Variants in RERE observed in about 807,000 individuals in gnomAD.
The protein encoded by RERE is arginine-glutamic acid dipeptide repeats, also known as arginine-glutamic acid dipeptide repeats protein.
RERE carries 40 observed loss-of-function variants against 146.1 expected under a neutral mutation model. The ratio of observed to expected loss-of-function variants is 0.27; its 90% CI spans 0.21 to 0.36. The LOEUF is 0.36. Ranked by LOEUF, RERE falls within the 10% of genes least tolerant of loss-of-function variation. The pLI is 1.00. For missense variants in RERE, 1,933 were observed against 2,138.7 expected (o/e 0.90, Z 1.90); for synonymous variants, 1,003 against 866.0 (o/e 1.16, Z -2.78).
At chr1:8,625,298 A>G (rs890049072) in intron 2 of RERE, among the ~76,000 whole-genome samples, 11 of 152,292 alleles carry the variant, frequency 7.2e-5, no homozygotes, top group African/African-American at 2.6e-4. Flanking sequence ...ACACTTAAAT[A>G]AAAAGCAATG....
intron 7 of RERE, among the ~76,000 whole-genome samples, chr1:8,532,589 A>C (rs573143785): frequency 2.0e-5 from 3 of 149,642 alleles, no homozygotes; most frequent in Non-Finnish European, 4.5e-5. Flanking sequence ...CCTAGCTAAT[A>C]TTATTATTTT....
At chr1:8,707,189 A>G (rs571394283) in intron 1 of RERE, among the ~76,000 whole-genome samples, 4 of 152,366 alleles carry the variant, frequency 2.6e-5, no homozygotes, top group African/African-American at 7.2e-5. Context: ...AGAGGAGACA[A>G]CAGATGTGGC....
chr1:8,659,331 C>T (rs1213076615), intron 1 of RERE, among the ~76,000 whole-genome samples: 2 of 152,168 alleles, frequency 1.3e-5, no homozygotes, highest in Non-Finnish European at 2.9e-5. Flanking sequence ...CTGAAGCGGG[C>T]GGATCACCTG....
At chr1:8,437,048 T>A (rs1219741572) in intron 11 of RERE, among the ~76,000 whole-genome samples, 1 of 152,218 alleles carries the variant, frequency 6.6e-6, no homozygotes, top group African/African-American at 2.4e-5. Context: ...AACGATATCA[T>A]AAATTCCTAA....
chr1:8,389,613 G>A (rs1014368554), intron 12 of RERE, among the ~76,000 whole-genome samples: 3 of 152,172 alleles, frequency 2.0e-5, no homozygotes, highest in Non-Finnish European at 4.4e-5. Context: ...AAAACCATGA[G>A]GAAGGGGTGG....
At chr1:8,682,495 A>G in intron 1 of RERE, among the ~76,000 whole-genome samples, 1 of 152,162 alleles carries the variant, frequency 6.6e-6, no homozygotes, top group East Asian at 1.9e-4. Flanking sequence ...TTATCTGTCC[A>G]GTTCAGTTTT....
chr1:8,779,028 G>A (rs994601337), intron 1 of RERE, among the ~76,000 whole-genome samples: 1 of 150,988 alleles, frequency 6.6e-6, no homozygotes, highest in Non-Finnish European at 1.5e-5. Context: ...TGTATTTTTA[G>A]TAGAGACGGG....
chr1:8,407,843 G>T (rs1320559984), intron 12 of RERE, among the ~76,000 whole-genome samples: 1 of 152,144 alleles, frequency 6.6e-6, no homozygotes, highest in Non-Finnish European at 1.5e-5. Context: ...AGGATCAAAG[G>T]CGTGCTGCTG....
chr1:8,361,369 G>A lies in RERE; in HGVS notation c.2138C>T (p.Pro713Leu), dbSNP rs764104299. 8 of 1,613,728 alleles carry A rather than the reference G, an allele frequency of 5.0e-6. No homozygotes were observed. Among genetic ancestry groups the A allele is most frequent in the East Asian group, 2.2e-5 (1 of 44,874 alleles). ...DIDQDNRSTS[P>L]SIPSPQDNES... ...ATTGTCCTGGGGGCTGGGGATGCTC[G>A]GGGACGTGCTGCGATTGTCCTGGTC... is the stretch of plus-strand genomic sequence containing the variant. Residue 713 changes from proline (P) to leucine (L), a missense_variant, in exon 18 of 23, where the codon CCG becomes CTG. By Grantham distance (98) the Pro-to-Leu change is moderately conservative. Transcript: ENST00000400908.
chr1:8,714,460 C>A (rs190252345), intron 1 of RERE, among the ~76,000 whole-genome samples: 1 of 152,154 alleles, frequency 6.6e-6, no homozygotes, highest in South Asian at 2.1e-4. Flanking sequence ...GTTCTATACC[C>A]GGCCAAACTG....
intron 10 of RERE, among the ~76,000 whole-genome samples, chr1:8,478,358 AAAAGT>A (rs1644786790): frequency 6.6e-6 from 1 of 152,220 alleles, no homozygotes; most frequent in African/African-American, 2.4e-5. Context: ...ATGGAAGAAA[AAAAGT>A]AAAGAAAGAA....
rs1183646649 is a variant in RERE, at chr1:8,362,794, A to T, written c.1791T>A (p.Gly597=). ...GRKKQPASPD[G]RTSPINEDIR... Reference sequence around the variant, plus strand: ...TGTCTTCATTGATGGGTGAGGTGCGACCATCAGGGCTGGCTGGCTGCTTCT... The same window carrying T: ...TGTCTTCATTGATGGGTGAGGTGCGTCCATCAGGGCTGGCTGGCTGCTTCT... The change falls in exon 16 of 23, where the codon GGT becomes GGA. Residue 597 remains glycine, a synonymous_variant. Transcript: ENST00000400908. 12 of 1,614,026 alleles carry T rather than the reference A, an allele frequency of 7.4e-6. No individual in the cohort carries two copies. The highest frequency in any genetic ancestry group is 7.6e-6 in the Non-Finnish European group (9 of 1,180,040).
rs556912726 is a variant in RERE, at chr1:8,401,693, G to A, written c.1284+21034C>T. On this transcript the variant is annotated intron_variant, in intron 12 of 22. Coordinates refer to ENST00000400908, the MANE Select transcript of RERE (RefSeq NM_001042681.2). ...GAGGACTGCTTAAGCCTGGGAGGTC[G>A]AGGCTGCAGTGAGCCGTGATGTACC... 2.0e-4 allele frequency among the ~76,000 whole-genome samples: 31 copies of A among 151,472 alleles called. No homozygotes were observed. In the South Asian group the frequency reaches 5.8e-3, roughly 28 times the overall value.
At chr1:8,801,028 G>T (rs977248541) in intron 1 of RERE, among the ~76,000 whole-genome samples, 2 of 152,098 alleles carry the variant, frequency 1.3e-5, no homozygotes, top group Non-Finnish European at 2.9e-5. Flanking sequence ...GGAGGCTGAG[G>T]TAGGTGGAGT....
intron 12 of RERE, among the ~76,000 whole-genome samples, chr1:8,370,636 T>G (rs906351815): frequency 6.6e-6 from 1 of 152,206 alleles, no homozygotes; most frequent in Non-Finnish European, 1.5e-5. Flanking sequence ...AATGGCATAT[T>G]GGTGACTGCA....
At position 8,624,390 on chromosome 1, in the gene RERE, A is replaced by G; in HGVS notation, c.326-10T>C. On this transcript the variant is annotated splice_polypyrimidine_tract_variant and intron_variant, in intron 2 of 22. Transcript: ENST00000400908. ...TCGATATACACACAGTCTTTAAAAGAAAAAGAAATTTTAAAACAATGGCAT... is the reference window on the plus strand; with the variant it reads ...TCGATATACACACAGTCTTTAAAAGGAAAAGAAATTTTAAAACAATGGCAT... 6.3e-7 allele frequency: 1 copy of G among 1,597,000 alleles called. No individual in the cohort carries two copies. Among genetic ancestry groups the G allele is most frequent in the Non-Finnish European group, 8.6e-7 (1 of 1,166,772 alleles).
At chr1:8,697,592 T>A (rs1279562219) in intron 1 of RERE, among the ~76,000 whole-genome samples, 2 of 152,154 alleles carry the variant, frequency 1.3e-5, no homozygotes, top group Non-Finnish European at 2.9e-5. Context: ...TTTTTCACCA[T>A]GTTAGCCAGG....
At chr1:8,481,078 T>C (rs989132961) in intron 10 of RERE, among the ~76,000 whole-genome samples, 1 of 152,192 alleles carries the variant, frequency 6.6e-6, no homozygotes, top group Admixed American at 6.5e-5. Flanking sequence ...GGATTTCTGA[T>C]TGGCTAAACA....
chr1:8,467,783 T>C (rs1449093648), intron 10 of RERE, among the ~76,000 whole-genome samples: 5 of 152,188 alleles, frequency 3.3e-5, no homozygotes, highest in African/African-American at 4.8e-5. Context: ...TAGCTGGGAT[T>C]ACAGGCGCCT....
Sources: allele counts gnomAD v4.1 joint callset (sites outside exome capture counted in the v4.1 genomes callset), GRCh38; gene constraint gnomAD v4.1.1; transcripts MANE v1.5; gene names NCBI Gene and HGNC (gene_info 2026-07-23, HGNC 2026-07-21).